Variants in MTHFD2L observed in about 807,000 individuals in gnomAD.
MTHFD2L encodes the protein bifunctional methylenetetrahydrofolate dehydrogenase/cyclohydrolase 2, mitochondrial.
In MTHFD2L, 29 loss-of-function variants were observed where a neutral mutation model predicts 34.9. The observed-to-expected ratio is 0.83, with a 90% CI of 0.62 to 1.13. The LOEUF is 1.13. Ranked by LOEUF, MTHFD2L falls within the 50% of genes most tolerant of loss-of-function variation. The pLI is 0.00. For missense variants in MTHFD2L, 481 were observed against 446.5 expected (o/e 1.08, Z -0.70); for synonymous variants, 167 against 155.7 (o/e 1.07, Z -0.54).
chr4:74,122,661 T>C (rs1310399781), upstream of MTHFD2L, among the ~76,000 whole-genome samples: 2 of 152,216 alleles, frequency 1.3e-5, no homozygotes, highest in African/African-American at 2.4e-5. Context: ...AATTGAGGAA[T>C]TGTTCCAGAA....
chr4:74,162,648 G>C (rs563343907), intron 1 of MTHFD2L, among the ~76,000 whole-genome samples: 16 of 151,818 alleles, frequency 1.1e-4, no homozygotes, highest in Non-Finnish European at 2.4e-4. Flanking sequence ...TAAGCACTTT[G>C]CTGAGATTTT....
intron 6 of MTHFD2L, among the ~76,000 whole-genome samples, chr4:74,227,843 T>A (rs752993867): frequency 5.9e-5 from 9 of 152,128 alleles, no homozygotes; most frequent in Non-Finnish European, 1.2e-4. Flanking sequence ...TTTAGAGGTG[T>A]AAAAGTAGAA....
intron 6 of MTHFD2L, among the ~76,000 whole-genome samples, chr4:74,265,015 C>T (rs1745114935): frequency 6.6e-6 from 1 of 152,028 alleles, no homozygotes; most frequent in Non-Finnish European, 1.5e-5. Flanking sequence ...GAGTATATAT[C>T]AATTTATAAC....
chr4:74,160,257 TG>T (rs1335370467), intron 1 of MTHFD2L: 1 of 398,802 alleles, frequency 2.5e-6, no homozygotes, highest in East Asian at 7.5e-5. Context: ...AAATTGCCTT[TG>T]AGTTTGATAA....
At chr4:74,206,275 C>T (rs1168052251) in intron 5 of MTHFD2L, among the ~76,000 whole-genome samples, 1 of 152,092 alleles carries the variant, frequency 6.6e-6, no homozygotes, top group African/African-American at 2.4e-5. Flanking sequence ...GAGTAAATGT[C>T]TGTGTGTCTT....
In MTHFD2L at chr4:74,199,924, T is replaced by C. The variant is rs558229547; in HGVS notation, c.582T>C (p.Val194=). ...TCATACCTGCCACTGCCAGTGCTGT[T>C]TGGGAAATAATAAAAAGAACAGGTT... ...HSLIPATASA[V]WEIIKRTGIQ... Residue 194 remains valine (V), a synonymous_variant, in exon 4 of 8, where the codon GTT becomes GTC. Transcript: ENST00000325278. The C allele has an allele frequency of 1.2e-6, 2 of 1,613,940 alleles. No homozygotes were observed. The highest frequency in any genetic ancestry group is 2.7e-5 in the African/African-American group (2 of 75,012).
chr4:74,238,731 G>GA (rs1319411018), intron 6 of MTHFD2L, among the ~76,000 whole-genome samples: 1 of 152,126 alleles, frequency 6.6e-6, no homozygotes, highest in Non-Finnish European at 1.5e-5. Context: ...ACAAACACAA[G>GA]AAAAAATGCT....
At chr4:74,163,977 G>A (rs1726054722) in intron 1 of MTHFD2L, among the ~76,000 whole-genome samples, 1 of 152,190 alleles carries the variant, frequency 6.6e-6, no homozygotes, top group Admixed American at 6.5e-5. Flanking sequence ...CCGGGTTCAT[G>A]CCATTCTCCT....
chr4:74,119,565 C>T (rs961226058), upstream of MTHFD2L, among the ~76,000 whole-genome samples: 11 of 152,198 alleles, frequency 7.2e-5, no homozygotes, highest in East Asian at 1.9e-4. Context: ...GGGCGGATCA[C>T]GAGGTCAGGA....
intron 6 of MTHFD2L, among the ~76,000 whole-genome samples, chr4:74,275,397 C>T (rs545003479): frequency 5.9e-5 from 9 of 152,122 alleles, no homozygotes; most frequent in South Asian, 2.1e-4. Flanking sequence ...AATAGCGCTG[C>T]GATAAATATA....
chr4:74,294,380 A>G (rs1749370387), intron 7 of MTHFD2L, among the ~76,000 whole-genome samples: 1 of 152,088 alleles, frequency 6.6e-6, no homozygotes, highest in South Asian at 2.1e-4. Context: ...AAGAATCTGA[A>G]TTGTTCAATT....
intron 6 of MTHFD2L, among the ~76,000 whole-genome samples, chr4:74,254,197 A>C (rs1004425697): frequency 3.9e-5 from 6 of 152,244 alleles, no homozygotes; most frequent in Non-Finnish European, 8.8e-5. Context: ...CATGAATCCC[A>C]AAGAACCCCA....
At chr4:74,292,942 G>C (rs1489826841) in intron 7 of MTHFD2L, among the ~76,000 whole-genome samples, 1 of 152,066 alleles carries the variant, frequency 6.6e-6, no homozygotes, top group Non-Finnish European at 1.5e-5. Flanking sequence ...CCAGGTGACT[G>C]ACATGCTATT....
intron 2 of MTHFD2L, among the ~76,000 whole-genome samples, chr4:74,117,030 T>C (rs1721666326): frequency 6.6e-6 from 1 of 152,266 alleles, no homozygotes; most frequent in African/African-American, 2.4e-5. Flanking sequence ...AGCTGATTTA[T>C]CCTCAGGGTA....
intron 6 of MTHFD2L, among the ~76,000 whole-genome samples, chr4:74,267,463 C>G (rs1440567972): frequency 6.6e-6 from 1 of 150,952 alleles, no homozygotes; most frequent in Non-Finnish European, 1.5e-5. Context: ...GCTGGTGGCG[C>G]CATCGTGGCT....
chr4:74,141,479 CA>C (rs569300560), intron 1 of MTHFD2L, among the ~76,000 whole-genome samples: 10 of 152,200 alleles, frequency 6.6e-5, no homozygotes, highest in Non-Finnish European at 5.9e-5. Context: ...CCTTGCCATT[CA>C]CAGTGACATA....
chr4:74,194,280 A>G (rs549523304), intron 3 of MTHFD2L: 1 of 152,256 alleles, frequency 6.6e-6, no homozygotes, highest in South Asian at 2.1e-4. Context: ...GTTAGCCCCA[A>G]ACTTCATCTT....
intron 6 of MTHFD2L, among the ~76,000 whole-genome samples, chr4:74,273,255 A>T (rs529165440): frequency 6.9e-4 from 105 of 152,264 alleles, no homozygotes; most frequent in Non-Finnish European, 1.3e-3. Context: ...CAGGGGCTTA[A>T]CTTTATAAAA....
intron 3 of MTHFD2L, among the ~76,000 whole-genome samples, chr4:74,189,262 A>C (rs982634254): frequency 1.3e-5 from 2 of 152,066 alleles, no homozygotes; most frequent in Non-Finnish European, 2.9e-5. Context: ...AAAATACCCA[A>C]TATTTTGTTT....
Sources: gnomAD v4.1 joint callset for allele counts (sites outside exome capture counted in the v4.1 genomes callset) on GRCh38, gnomAD v4.1.1 for gene constraint, MANE v1.5 for transcripts, NCBI Gene and HGNC (gene_info 2026-07-23, HGNC 2026-07-21) for gene names.